The following EXOC3L1 variants were observed in gnomAD, a reference collection of about 807,000 sequenced individuals.
The protein encoded by EXOC3L1 is exocyst complex component 3 like 1.
A neutral mutation model predicts 83.6 loss-of-function variants in EXOC3L1; 79 were observed. The ratio of observed to expected loss-of-function variants is 0.95; its 90% CI spans 0.79 to 1.14. EXOC3L1 has a LOEUF of 1.14. Ranked by LOEUF, EXOC3L1 falls within the 50% of genes most tolerant of loss-of-function variation. The probability of loss-of-function intolerance (pLI) is 0.00; values close to 1 mark genes in which losing one functional copy is unlikely to be tolerated. For synonymous variants in EXOC3L1, 433 were observed against 451.2 expected (o/e 0.96, Z 0.51); for missense variants, 945 against 972.0 (o/e 0.97, Z 0.37).
Position 67,184,381 on chromosome 16 carries a change from C to T in EXOC3L1, c.*13G>A, listed in dbSNP as rs1172827902. 2 of 1,534,930 alleles carry T rather than the reference C, an allele frequency of 1.3e-6. No individual in the cohort carries two copies. The highest frequency in any genetic ancestry group is 2.5e-5 in the East Asian group (1 of 40,766). Reference sequence around the variant, plus strand: ...CCCAACACACACAGACTCAGGCGTCCGGCAGCCGTGGTTTATTCTGCGAGC... The same window carrying T: ...CCCAACACACACAGACTCAGGCGTCTGGCAGCCGTGGTTTATTCTGCGAGC... On this transcript the variant is annotated 3_prime_UTR_variant, in exon 14 of 14. Transcript: ENST00000314586.
At position 67,186,760 on chromosome 16, in the gene EXOC3L1, T is replaced by C. The variant is rs1414369315; in HGVS notation, c.1283A>G (p.Gln428Arg). 1.2e-6 allele frequency: 2 copies of C among 1,613,762 alleles called. No homozygotes were observed. The highest frequency in any genetic ancestry group is 1.7e-5 in the Admixed American group (1 of 60,008). ...YYSPMPAIVL[Q>R]ILEENIRVAS... is the part of the protein sequence containing the mutation. ...CCTGTCTGGCCACTTCCCACCTACCTGCAGCACAATGGCTGGCATTGGTGA... is the reference window on the plus strand; with the variant it reads ...CCTGTCTGGCCACTTCCCACCTACCCGCAGCACAATGGCTGGCATTGGTGA... Residue 428 changes from glutamine to arginine, a missense_variant and splice_region_variant, in exon 7 of 14, where the codon CAG (glutamine) becomes CGG (arginine). By Grantham distance (43) the Gln-to-Arg change is conservative. Coordinates refer to ENST00000314586, the MANE Select transcript of EXOC3L1 (RefSeq NM_178516.4).
In EXOC3L1 at chr16:67,184,689, A is replaced by C. The variant is rs1567682959; in HGVS notation, c.2027T>G (p.Val676Gly). Reference protein sequence around the residue: ...VAGLRQQFPDVSEDHVSALLG... With the variant: ...VAGLRQQFPDGSEDHVSALLG... ...CCTTCTGGCCCCCAGTCCGCACCTC[A>C]CGTCGGGAAATTGTTGCCGCAGGCC... The change falls in exon 13 of 14, where the codon GTG becomes GGG. Residue 676 changes from valine (V) to glycine (G), a missense_variant. Transcript: ENST00000314586. The C allele has an allele frequency of 1.3e-6, 2 of 1,575,436 alleles. No individual in the cohort carries two copies. The highest frequency in any genetic ancestry group is 1.7e-6 in the Non-Finnish European group (2 of 1,164,302).
chr16:67,187,316 G>A lies in EXOC3L1; in HGVS notation c.949C>T (p.Arg317Cys), dbSNP rs200402666. 70 of 1,612,944 alleles carry A rather than the reference G, an allele frequency of 4.3e-5. No homozygotes were observed. Among genetic ancestry groups the A allele is most frequent in the East Asian group, 1.1e-4 (5 of 44,886 alleles). The change falls in exon 5 of 14, where the codon CGC becomes TGC. Residue 317 changes from arginine (R) to cysteine (C), a missense_variant. Coordinates refer to ENST00000314586, the MANE Select transcript of EXOC3L1 (RefSeq NM_178516.4). ...LWAHTLHSGLRRSLQNLLAGP... is the reference protein window; with the variant it reads ...LWAHTLHSGLCRSLQNLLAGP... ...GCAAGGAGGTTCTGCAGGCTGCGGCGCAAACCACTATGCAGCGTGTGGGCC... is the reference window on the plus strand; with the variant it reads ...GCAAGGAGGTTCTGCAGGCTGCGGCACAAACCACTATGCAGCGTGTGGGCC...
rs559882217 is a variant in EXOC3L1, at chr16:67,186,306, C to T, written c.1427G>A (p.Arg476Lys). 6 of 1,572,142 alleles carry T rather than the reference C, an allele frequency of 3.8e-6. No individual in the cohort carries two copies. Among genetic ancestry groups the T allele is most frequent in the Non-Finnish European group, 5.2e-6 (6 of 1,157,782 alleles). Reference protein sequence around the residue: ...ALIRFSRDHFRGKSMAPHYVP... With the variant: ...ALIRFSRDHFKGKSMAPHYVP... ...GTAATGAGGGGCCATTGATTTCCCC[C>T]TGAAGTGGTCTCGGGAGAATCGGAT... Residue 476 changes from arginine (R) to lysine (K), a missense_variant, in exon 9 of 14, where the codon AGG becomes AAG. Coordinates refer to ENST00000314586, the MANE Select transcript of EXOC3L1 (RefSeq NM_178516.4).
chr16:67,184,981 C>T lies in EXOC3L1; in HGVS notation c.1826G>A (p.Arg609His). Reference protein sequence around the residue: ...SALMQGRLVCRGADERTQAAE... With the variant: ...SALMQGRLVCHGADERTQAAE... ...CGCCTGGGTCCTCTCGTCGGCTCCG[C>T]GGCACACCAGGCGGCCTTGCATCAG... is the stretch of plus-strand genomic sequence containing the variant. Residue 609 changes from arginine (R) to histidine (H), a missense_variant, in exon 12 of 14, where the codon CGC becomes CAC. Transcript: ENST00000314586. 1 of 1,609,712 alleles carries T rather than the reference C, an allele frequency of 6.2e-7. No individual in the cohort carries two copies. Among genetic ancestry groups the T allele is most frequent in the Non-Finnish European group, 8.5e-7 (1 of 1,178,778 alleles).
intron 8 of EXOC3L1, 51 bp downstream of exon 8, chr16:67,186,506 T>C: frequency 3.2e-6 from 5 of 1,586,380 alleles, no homozygotes; most frequent in Non-Finnish European, 4.3e-6. Context: ...CCCTTTGGGC[T>C]GCCTGGGGAG....
At position 67,184,671 on chromosome 16, in the gene EXOC3L1, GC is replaced by G; in HGVS notation, c.2030+14del. The G allele has an allele frequency of 1.9e-6, 3 of 1,578,110 alleles. No individual in the cohort carries two copies. The highest frequency in any genetic ancestry group is 1.7e-6 in the Non-Finnish European group (2 of 1,166,422). On this transcript the variant is annotated intron_variant, in intron 13 of 13. Transcript: ENST00000314586. ...GCCCTCCGGCTTCTCTTCCCTTCTGGCCCCCAGTCCGCACCTCACGTCGGGA... is the reference window on the plus strand; with the variant it reads ...GCCCTCCGGCTTCTCTTCCCTTCTGGCCCCAGTCCGCACCTCACGTCGGGA...
Position 67,184,793 on chromosome 16 carries a change from C to G in EXOC3L1, c.1923G>C (p.Ala641=). The change falls in exon 13 of 14, where the codon GCG becomes GCC. Residue 641 remains alanine, a synonymous_variant. Coordinates refer to ENST00000314586, the MANE Select transcript of EXOC3L1 (RefSeq NM_178516.4). ...LFLSLGLEEN[A]HCAPVLLALR... The stretch of plus-strand genomic sequence containing the variant: ...GGGCGAGCAGCACCGGCGCGCAGTG[C>G]GCGTTCTCCTCCAGGCCCTGAGCAC... The G allele has an allele frequency of 4.4e-6, 7 of 1,601,112 alleles. No homozygotes were observed. The highest frequency in any genetic ancestry group is 5.1e-6 in the Non-Finnish European group (6 of 1,178,816).
At position 67,189,653 on chromosome 16, in the gene EXOC3L1, C is replaced by G. The variant is rs1567686042; in HGVS notation, c.24G>C (p.Glu8Asp). The G allele has an allele frequency of 1.2e-6, 2 of 1,614,050 alleles. No individual in the cohort carries two copies. The highest frequency in any genetic ancestry group is 1.7e-6 in the Non-Finnish European group (2 of 1,180,026). The change falls in exon 2 of 14, where the codon GAG (glutamate) becomes GAC (aspartate). Residue 8 changes from glutamate to aspartate, a missense_variant. Coordinates refer to ENST00000314586, the MANE Select transcript of EXOC3L1 (RefSeq NM_178516.4). ...TACCAGGGGACAACGCCGGCTGCAT[C>G]TCATCCTTGGCTGCTGAGTCCATTG... Reference protein sequence around the residue: MDSAAKDEMQPALSPGPE... With the variant: MDSAAKDDMQPALSPGPE...
intron 13 of EXOC3L1, 33 bp from the exon 14 acceptor site, chr16:67,184,637 G>A (rs750009147): frequency 8.2e-6 from 13 of 1,583,498 alleles, no homozygotes; most frequent in Middle Eastern, 1.7e-4. Context: ...CGTCAGCCCC[G>A]TCCTCCCCGC....
At chr16:67,186,690 C>T in intron 7 of EXOC3L1, 33 bp from the exon 8 acceptor site, 1 of 1,613,484 alleles carries the variant, frequency 6.2e-7, no homozygotes, top group East Asian at 2.2e-5. Context: ...ATCGGCAAAG[C>T]CTCCCTCCTT....
chr16:67,185,642 C>T lies in EXOC3L1; in HGVS notation c.1497-152G>A, dbSNP rs1597268629. The T allele has an allele frequency of 5.6e-6, 4 of 710,832 alleles. No individual in the cohort carries two copies. The South Asian group carries it at 7.2e-5, about 13-fold the overall frequency. 44.0% of individuals were successfully genotyped at this position (710,832 alleles called of 1,614,324 possible). A position where few individuals can be genotyped will look rare whatever the true frequency, so the allele number is the denominator to read the frequency against. ...CTGCACTTCTGGTCCCAGGCATGGA[C>T]CAGGGCTGGGAGACGGGCGCTTGGC... On this transcript the variant is annotated intron_variant, in intron 9 of 13. Transcript: ENST00000314586.
intron 2 of EXOC3L1, among the ~76,000 whole-genome samples, chr16:67,189,389 G>A (rs1567685928): frequency 6.6e-6 from 1 of 152,214 alleles, no homozygotes; most frequent in Non-Finnish European, 1.5e-5. Flanking sequence ...CGATTCTCCT[G>A]CCTCAGTCTC....
rs761065395 is a variant in EXOC3L1 at position 67,189,062 on chromosome 16, GC to G, written c.164del (p.Ser55ThrfsTer17). 6.2e-7 allele frequency: 1 copy of G among 1,607,072 alleles called. No individual in the cohort carries two copies. Among genetic ancestry groups the G allele is most frequent in the African/African-American group, 1.3e-5 (1 of 74,942 alleles). ...GGGAGCAGGTACGCTGCACCTCGCG[GC>G]TGCGGTACTGGCCTAGCCTGGCCAG... ...EQLARLGQYR[S>X]REVQRTCSLE... On this transcript the variant is annotated frameshift_variant, in exon 3 of 14. Coordinates refer to ENST00000314586, the MANE Select transcript of EXOC3L1 (RefSeq NM_178516.4). LOFTEE classifies it high-confidence loss of function.
intron 10 of EXOC3L1, 40 bp downstream of exon 10, chr16:67,185,321 C>G: frequency 6.2e-7 from 1 of 1,613,070 alleles, no homozygotes. Flanking sequence ...GTACCGCCAC[C>G]TCTCCACCTG....
rs1489002959 is a variant in EXOC3L1 at position 67,186,666 on chromosome 16, AGAAAT to A, written c.1285-14_1285-10del. The A allele has an allele frequency of 2.5e-5, 41 of 1,613,840 alleles. No individual in the cohort carries two copies. Among genetic ancestry groups the A allele is most frequent in the Non-Finnish European group, 2.7e-5 (32 of 1,179,954 alleles). ...ATGTTCTCTTCCAGGATCTGCAGGC[AGAAAT>A]GAGCAGCCATCGGCAAAGCCTCCCT... On this transcript the variant is annotated splice_polypyrimidine_tract_variant and intron_variant, in intron 7 of 13. Coordinates refer to ENST00000314586, the MANE Select transcript of EXOC3L1 (RefSeq NM_178516.4).
chr16:67,187,256 AG>A lies in EXOC3L1; in HGVS notation c.1008del (p.Leu337CysfsTer14), dbSNP rs2032755929. The A allele has an allele frequency of 6.2e-7, 1 of 1,612,378 alleles. No homozygotes were observed. The highest frequency in any genetic ancestry group is 2.2e-5 in the East Asian group (1 of 44,850). The part of the protein sequence containing the change: ...GPELEAADAF[A>X]LLHWALHVYL... ...TACACATGCAGTGCCCAGTGCAGCA[AG>A]GCGAAGGCATCCGCAGCTTCTAGCT... On this transcript the variant is annotated frameshift_variant, in exon 5 of 14. Transcript: ENST00000314586. LOFTEE classifies it high-confidence loss of function.
Position 67,184,990 on chromosome 16 carries a change from A to G in EXOC3L1, c.1817T>C (p.Leu606Pro), listed in dbSNP as rs757048997. The change falls in exon 12 of 14, where the codon CTG (leucine) becomes CCG (proline). Residue 606 changes from leucine to proline, a missense_variant. By Grantham distance (98) the Leu-to-Pro change is moderately conservative. Coordinates refer to ENST00000314586, the MANE Select transcript of EXOC3L1 (RefSeq NM_178516.4). ...QYLSALMQGRLVCRGADERTQ... is the reference protein window; with the variant it reads ...QYLSALMQGRPVCRGADERTQ... ...CCTCTCGTCGGCTCCGCGGCACACC[A>G]GGCGGCCTTGCATCAGCGCGCTCAG... The G allele has an allele frequency of 3.7e-6, 6 of 1,609,862 alleles. No individual in the cohort carries two copies. The Admixed American group carries it at 5.0e-5, about 13-fold the overall frequency.
At position 67,184,461 on chromosome 16, in the gene EXOC3L1, G is replaced by A; in HGVS notation, c.2174C>T (p.Pro725Leu). The A allele has an allele frequency of 6.5e-7, 1 of 1,529,294 alleles. No individual in the cohort carries two copies. Among genetic ancestry groups the A allele is most frequent in the Non-Finnish European group, 8.7e-7 (1 of 1,144,194 alleles). The allele number at this position is 1,529,294 out of a possible 1,614,324, so 94.7% of individuals were successfully genotyped here. Reference protein sequence around the residue: ...RRVLFSLVPAPALAPASCLPS... With the variant: ...RRVLFSLVPALALAPASCLPS... ...CAGGCAGGAGGCCGGCGCGAGCGCGGGCGCGGGCACTAGGCTGAAGAGGAC... is the reference window on the plus strand; with the variant it reads ...CAGGCAGGAGGCCGGCGCGAGCGCGAGCGCGGGCACTAGGCTGAAGAGGAC... The change falls in exon 14 of 14, where the codon CCC becomes CTC. Residue 725 changes from proline to leucine, a missense_variant. By Grantham distance (98) the Pro-to-Leu change is moderately conservative. Coordinates refer to ENST00000314586, the MANE Select transcript of EXOC3L1 (RefSeq NM_178516.4).
Sources: gnomAD v4.1 joint callset for allele counts (sites outside exome capture counted in the v4.1 genomes callset) on GRCh38, gnomAD v4.1.1 for gene constraint, MANE v1.5 for transcripts, NCBI Gene and HGNC (gene_info 2026-07-23, HGNC 2026-07-21) for gene names.